ELMO1: variants seen among roughly 807,000 people sequenced by gnomAD.
The protein encoded by ELMO1 is engulfment and cell motility protein 1.
In ELMO1, 26 loss-of-function variants were observed where a neutral mutation model predicts 98.9. The ratio of observed to expected loss-of-function variants is 0.26; its 90% CI spans 0.19 to 0.36. The LOEUF (loss-of-function observed/expected upper bound fraction) is 0.36. ELMO1 is among the 10% of genes least tolerant of loss of function. The pLI, the probability that ELMO1 is intolerant of heterozygous loss-of-function variation, is 1.00. For synonymous variants in ELMO1, 346 were observed against 346.0 expected (o/e 1.00, Z 0.00); for missense variants, 627 against 935.2 (o/e 0.67, Z 4.30).
intron 10 of ELMO1, among the ~76,000 whole-genome samples, chr7:37,218,364 C>CT (rs1793413792): frequency 6.6e-6 from 1 of 152,042 alleles, no homozygotes; most frequent in Admixed American, 6.6e-5. Context: ...TGAGCAGAAA[C>CT]TGTCTTTTTC....
chr7:37,041,174 T>C (rs1795486047), intron 15 of ELMO1, among the ~76,000 whole-genome samples: 1 of 151,476 alleles, frequency 6.6e-6, no homozygotes, highest in Non-Finnish European at 1.5e-5. Context: ...ATAGGTAATG[T>C]CAATACTCTC....
intron 16 of ELMO1, among the ~76,000 whole-genome samples, chr7:36,905,666 A>C (rs938271103): frequency 1.3e-5 from 2 of 152,232 alleles, no homozygotes; most frequent in African/African-American, 4.8e-5. Flanking sequence ...GCCTGAAAAG[A>C]AGGAGTCAGT....
intron 16 of ELMO1, among the ~76,000 whole-genome samples, chr7:36,896,411 G>A (rs1278096488): frequency 1.3e-5 from 2 of 152,194 alleles, no homozygotes; most frequent in Admixed American, 6.5e-5. Flanking sequence ...GGTGGACATG[G>A]CCAAGGATCA....
intron 1 of ELMO1, among the ~76,000 whole-genome samples, chr7:37,383,869 G>A (rs1452411423): frequency 6.6e-6 from 1 of 152,176 alleles, no homozygotes; most frequent in African/African-American, 2.4e-5. Flanking sequence ...AGGCTGGAGT[G>A]CAGTGGCGCG....
chr7:36,936,712 C>T (rs759287097), intron 16 of ELMO1, among the ~76,000 whole-genome samples: 4 of 152,220 alleles, frequency 2.6e-5, no homozygotes, highest in Admixed American at 6.5e-5. Context: ...TCTTGGCTTC[C>T]GAAAGTGTTG....
At chr7:37,107,278 G>A (rs982256113) in intron 14 of ELMO1, among the ~76,000 whole-genome samples, 2 of 152,108 alleles carry the variant, frequency 1.3e-5, no homozygotes, top group South Asian at 4.2e-4. Context: ...TTTTTCACAA[G>A]GAAGTATCAC....
chr7:37,029,858 T>G (rs573293168), intron 15 of ELMO1, among the ~76,000 whole-genome samples: 4 of 152,284 alleles, frequency 2.6e-5, no homozygotes, highest in African/African-American at 7.2e-5. Flanking sequence ...CTTAAATTAA[T>G]GGGTGAAGAT....
intron 16 of ELMO1, among the ~76,000 whole-genome samples, chr7:36,987,434 A>G (rs1157249533): frequency 6.6e-6 from 1 of 152,156 alleles, no homozygotes; most frequent in African/African-American, 2.4e-5. Context: ...GGTAAGTGTC[A>G]CAGAAGGCAC....
intron 16 of ELMO1, among the ~76,000 whole-genome samples, chr7:36,907,433 A>C (rs922100392): frequency 1.3e-5 from 2 of 152,186 alleles, no homozygotes; most frequent in African/African-American, 4.8e-5. Flanking sequence ...TATTATGTTT[A>C]AAGGGGAACC....
chr7:37,247,895 A>ATGTGTGTGTGTGTGTGTGTGTG lies in ELMO1; in HGVS notation c.414-3526_414-3505dup, dbSNP rs58502667. Among the ~76,000 whole-genome samples the ATGTGTGTGTGTGTGTGTGTGTG allele has an allele frequency of 4.2e-3, 613 of 146,602 alleles. 1 individual carries two copies. The highest frequency in any genetic ancestry group is 0.013 in the African/African-American group (526 of 39,994). On this transcript the variant is annotated intron_variant, in intron 6 of 21. Coordinates refer to ENST00000310758, the MANE Select transcript of ELMO1 (RefSeq NM_014800.11). ...AAGTTTAAAATGGTTTTGAAATAAAATGTGTGTGTGTGTGTGTGTGTGTGT... is the reference window on the plus strand; with the variant it reads ...AAGTTTAAAATGGTTTTGAAATAAAATGTGTGTGTGTGTGTGTGTGTGTGTGTGTGTGTGTGTGTGTGTGTGT...
chr7:37,003,485 A>G (rs1210081569), intron 16 of ELMO1, among the ~76,000 whole-genome samples: 1 of 152,174 alleles, frequency 6.6e-6, no homozygotes, highest in Non-Finnish European at 1.5e-5. Flanking sequence ...TGACTTAATG[A>G]CTTGGCTCTA....
intron 13 of ELMO1, among the ~76,000 whole-genome samples, chr7:37,187,372 T>G (rs1210710093): frequency 6.6e-6 from 1 of 152,172 alleles, no homozygotes; most frequent in African/African-American, 2.4e-5. Context: ...AAATTGACTT[T>G]GGTGATGGCT....
chr7:37,021,434 T>A (rs1441503402), intron 15 of ELMO1, among the ~76,000 whole-genome samples: 1 of 151,990 alleles, frequency 6.6e-6, no homozygotes, highest in Non-Finnish European at 1.5e-5. Flanking sequence ...TTTGAGGACA[T>A]GGAGAGAGGA....
At chr7:37,416,265 G>A (rs958438261) in intron 1 of ELMO1, among the ~76,000 whole-genome samples, 1 of 152,178 alleles carries the variant, frequency 6.6e-6, no homozygotes, top group Admixed American at 6.5e-5. Flanking sequence ...AGACGAAGCA[G>A]GGAAGAAAAT....
rs1018560355 is a variant in ELMO1, at chr7:37,085,413, C to G, written c.1300+11206G>C. Among the ~76,000 whole-genome samples, 10 of 152,120 alleles carry G rather than the reference C, an allele frequency of 6.6e-5. No individual in the cohort carries two copies. The East Asian group carries it at 1.9e-3, about 29-fold the overall frequency. On this transcript the variant is annotated intron_variant, in intron 15 of 21. Coordinates refer to ENST00000310758, the MANE Select transcript of ELMO1 (RefSeq NM_014800.11). ...AACTTTACAGTTAGCATTTCATCATCTTTTCAGTGCAGTTTGACATCCTGA... is the reference window on the plus strand; with the variant it reads ...AACTTTACAGTTAGCATTTCATCATGTTTTCAGTGCAGTTTGACATCCTGA...
chr7:37,442,272 A>C (rs1805442788), intron 1 of ELMO1, among the ~76,000 whole-genome samples: 1 of 152,210 alleles, frequency 6.6e-6, no homozygotes. Context: ...AACAGCCTAC[A>C]AGTAGAAAAA....
chr7:36,990,213 C>T (rs770129489), intron 16 of ELMO1, among the ~76,000 whole-genome samples: 5 of 152,118 alleles, frequency 3.3e-5, no homozygotes, highest in Non-Finnish European at 5.9e-5. Context: ...GACTTTCTGG[C>T]GATTTTTTCG....
At chr7:37,248,231 T>A (rs1795125305) in intron 6 of ELMO1, among the ~76,000 whole-genome samples, 1 of 152,000 alleles carries the variant, frequency 6.6e-6, no homozygotes, top group African/African-American at 2.4e-5. Context: ...AATATACCTA[T>A]TTTTTTAGAG....
At chr7:37,340,682 T>C (rs1252535845) in intron 2 of ELMO1, among the ~76,000 whole-genome samples, 1 of 152,222 alleles carries the variant, frequency 6.6e-6, no homozygotes, top group Non-Finnish European at 1.5e-5. Flanking sequence ...TGTAAGCATA[T>C]ACAATCTTTG....
Sources: gnomAD v4.1 joint callset for allele counts (sites outside exome capture counted in the v4.1 genomes callset) on GRCh38, gnomAD v4.1.1 for gene constraint, MANE v1.5 for transcripts, NCBI Gene and HGNC (gene_info 2026-07-23, HGNC 2026-07-21) for gene names.